Variants in MPDZ observed in about 807,000 individuals in gnomAD.
MPDZ encodes multiple PDZ domain crumbs cell polarity complex component.
A neutral mutation model predicts 239.1 loss-of-function variants in MPDZ; 234 were observed. That is an observed-to-expected ratio of 0.98 (90% CI 0.88 to 1.09). The LOEUF (loss-of-function observed/expected upper bound fraction) is 1.09, where lower values mean the gene tolerates loss of function less well. Ranked by LOEUF, MPDZ falls within the 50% of genes least tolerant of loss-of-function variation. The pLI, the probability that MPDZ is intolerant of heterozygous loss-of-function variation, is 0.00. For synonymous variants in MPDZ, 1,048 were observed against 881.3 expected (o/e 1.19, Z -3.35); for missense variants, 3,175 against 2,510.0 (o/e 1.26, Z -5.66).
At chr9:13,118,807 G>C (rs1943896444) in intron 39 of MPDZ, among the ~76,000 whole-genome samples, 1 of 152,138 alleles carries the variant, frequency 6.6e-6, no homozygotes, top group Admixed American at 6.6e-5. Context: ...TTTCCAATCA[G>C]AAAATGATCC....
chr9:13,248,084 C>G (rs960899167), intron 2 of MPDZ, among the ~76,000 whole-genome samples: 1 of 151,574 alleles, frequency 6.6e-6, no homozygotes, highest in East Asian at 1.9e-4. Flanking sequence ...AAAAATTAGC[C>G]GGGCATGGTG....
chr9:13,158,749 T>G (rs1055280192), intron 23 of MPDZ, among the ~76,000 whole-genome samples: 1 of 152,192 alleles, frequency 6.6e-6, no homozygotes, highest in Non-Finnish European at 1.5e-5. Flanking sequence ...AATTTAGATT[T>G]TGCCAAATGC....
intron 3 of MPDZ, among the ~76,000 whole-genome samples, chr9:13,234,633 G>C (rs1014250731): frequency 6.6e-6 from 1 of 152,128 alleles, no homozygotes; most frequent in Non-Finnish European, 1.5e-5. Context: ...AATTAGGTTA[G>C]TAAGAAAAAA....
At chr9:13,114,051 G>A in intron 40 of MPDZ, 30 bp from the exon 41 acceptor site, 2 of 1,521,884 alleles carry the variant, frequency 1.3e-6, no homozygotes, top group Non-Finnish European at 1.8e-6. Context: ...ATTTCAGAAG[G>A]TTTTGCAAGT....
intron 1 of MPDZ, among the ~76,000 whole-genome samples, chr9:13,268,911 G>A (rs1036572779): frequency 2.6e-5 from 4 of 152,130 alleles, no homozygotes; most frequent in Non-Finnish European, 4.4e-5. Flanking sequence ...GGATTACAGG[G>A]ATAGAGAAAA....
rs181658884 is a variant in MPDZ, at chr9:13,190,273, G to A, written c.1995C>T (p.Ile665=). Residue 665 remains isoleucine, a synonymous_variant, in exon 16 of 47, where the codon ATC becomes ATT. Coordinates refer to ENST00000319217, the MANE Select transcript of MPDZ (RefSeq NM_001378778.1). ...EKPHVDLGEF[I]GSSETEDPVL... ...CTGGATCCTCTGTCTCTGATGACCCGATGAACTCACCTAGATCTACGTGAG... is the reference window on the plus strand; with the variant it reads ...CTGGATCCTCTGTCTCTGATGACCCAATGAACTCACCTAGATCTACGTGAG... The A allele has an allele frequency of 1.2e-3, 1,939 of 1,603,046 alleles. 6 individuals carry two copies. Among genetic ancestry groups the A allele is most frequent in the East Asian group, 6.7e-3 (298 of 44,638 alleles).
intron 12 of MPDZ, 61 bp from the exon 13 acceptor site, chr9:13,196,291 C>A (rs1955637287): frequency 2.5e-6 from 3 of 1,188,470 alleles, no homozygotes; most frequent in Admixed American, 2.0e-5. Flanking sequence ...ATCTTAACAT[C>A]CTGTACCAAG....
intron 10 of MPDZ, among the ~76,000 whole-genome samples, chr9:13,206,649 T>C (rs992550578): frequency 6.6e-6 from 1 of 151,978 alleles, no homozygotes; most frequent in African/African-American, 2.4e-5. Flanking sequence ...GTGCAAGTGA[T>C]TCTTCTGCCT....
chr9:13,143,603 T>C, intron 26 of MPDZ, 39 bp from the exon 27 acceptor site: 1 of 1,535,212 alleles, frequency 6.5e-7, no homozygotes, highest in Non-Finnish European at 9.0e-7. Flanking sequence ...GCAAAGGAAA[T>C]GTATTGAAAA....
intron 32 of MPDZ, among the ~76,000 whole-genome samples, chr9:13,127,922 T>G (rs1310343236): frequency 6.6e-6 from 1 of 152,242 alleles, no homozygotes. Flanking sequence ...TTTTCTTATC[T>G]ACAAAATGGA....
intron 24 of MPDZ, among the ~76,000 whole-genome samples, chr9:13,154,915 T>C (rs138526351): frequency 3.0e-4 from 46 of 152,152 alleles, no homozygotes; most frequent in African/African-American, 1.1e-3. Flanking sequence ...ATATTGGAAA[T>C]AGAAATAAAA....
intron 24 of MPDZ, among the ~76,000 whole-genome samples, chr9:13,157,261 C>T (rs1015324175): frequency 1.4e-4 from 21 of 152,008 alleles, no homozygotes; most frequent in African/African-American, 4.8e-4. Flanking sequence ...CACTGATTAC[C>T]TATGTTTTAC....
chr9:13,232,309 A>G lies in MPDZ; in HGVS notation c.184-7726T>C, dbSNP rs569289842. On this transcript the variant is annotated intron_variant, in intron 3 of 46. Transcript: ENST00000319217. ...AATTAGAAACTAAAATGTTTTCTAA[A>G]AATCTGTTCAAGATATGATTAAATT... Among the ~76,000 whole-genome samples the G allele has an allele frequency of 2.6e-5, 4 of 152,266 alleles. No homozygotes were observed. In the East Asian group the frequency reaches 7.7e-4, roughly 29 times the overall value.
Position 13,235,175 on chromosome 9 carries a change from T to A in MPDZ, c.184-10592A>T, listed in dbSNP as rs116235162. Among the ~76,000 whole-genome samples the A allele has an allele frequency of 9.2e-3, 1,403 of 152,254 alleles. 27 individuals are homozygous for A. Among genetic ancestry groups the A allele is most frequent in the African/African-American group, 0.032 (1,341 of 41,544 alleles). ...TGGCACTCTGATTTAATGACCCTTA[T>A]TTTTAAAGCTAATTAAAGAAATTGA... On this transcript the variant is annotated intron_variant, in intron 3 of 46. Transcript: ENST00000319217.
intron 12 of MPDZ, among the ~76,000 whole-genome samples, chr9:13,199,596 T>A (rs959394520): frequency 1.3e-5 from 2 of 151,924 alleles, no homozygotes; most frequent in Non-Finnish European, 2.9e-5. Flanking sequence ...TAGAGAAAAG[T>A]CTTTGGACTT....
At position 13,113,086 on chromosome 9, in the gene MPDZ, T is replaced by C. The variant is rs756212652; in HGVS notation, c.5558-32A>G. The C allele has an allele frequency of 2.0e-6, 3 of 1,518,070 alleles. No homozygotes were observed. In the South Asian group the frequency reaches 3.7e-5, roughly 19 times the overall value. The allele number at this position is 1,518,070 out of a possible 1,614,324, so 94.0% of individuals were successfully genotyped here. A position where few individuals can be genotyped will look rare whatever the true frequency, so the allele number is the denominator to read the frequency against. The stretch of plus-strand genomic sequence containing the variant: ...AGGCAAAAAAGATAAAATAGGGTTA[T>C]TTTATGTTCATTCACTTTTTATGTT... On this transcript the variant is annotated intron_variant, in intron 41 of 46. Transcript: ENST00000319217.
At chr9:13,213,519 T>C (rs1957898424) in intron 10 of MPDZ, among the ~76,000 whole-genome samples, 1 of 152,024 alleles carries the variant, frequency 6.6e-6, no homozygotes, top group Admixed American at 6.6e-5. Flanking sequence ...AGAACATTAC[T>C]GCAAATATCT....
chr9:13,238,214 C>T (rs1389115182), intron 3 of MPDZ, among the ~76,000 whole-genome samples: 1 of 152,174 alleles, frequency 6.6e-6, no homozygotes, highest in East Asian at 1.9e-4. Flanking sequence ...GACTATACTA[C>T]CTGGGACTAG....
At position 13,175,640 on chromosome 9, in the gene MPDZ, C is replaced by A. The variant is rs547048611; in HGVS notation, c.3055+112G>T. 2.4e-3 allele frequency: 2,689 copies of A among 1,122,430 alleles called. 3 individuals carry two copies. Among genetic ancestry groups the A allele is most frequent in the Non-Finnish European group, 2.3e-3 (1,780 of 791,102 alleles). 69.5% of individuals were successfully genotyped at this position (1,122,430 alleles called of 1,614,324 possible). On this transcript the variant is annotated intron_variant, in intron 21 of 46. Transcript: ENST00000319217. The stretch of plus-strand genomic sequence containing the variant: ...AGAAATAAAAACTACAGGAAAATTT[C>A]TACCATCTGTTCTCTTATCTACAGC...
Sources: allele counts gnomAD v4.1 joint callset (sites outside exome capture counted in the v4.1 genomes callset), GRCh38; gene constraint gnomAD v4.1.1; transcripts MANE v1.5; gene names NCBI Gene and HGNC (gene_info 2026-07-23, HGNC 2026-07-21).